The following SEMA3E variants were observed in gnomAD, a reference collection of about 807,000 sequenced individuals.
The protein encoded by SEMA3E is semaphorin-3E.
A neutral mutation model predicts 93.6 loss-of-function variants in SEMA3E; 49 were observed. The observed-to-expected ratio is 0.52, with a 90% CI of 0.42 to 0.66. The LOEUF (loss-of-function observed/expected upper bound fraction) is 0.66, where lower values mean the gene tolerates loss of function less well. SEMA3E is among the 30% of genes least tolerant of loss of function. The pLI is 0.00. For missense variants in SEMA3E, 906 were observed against 964.8 expected (o/e 0.94, Z 0.81); for synonymous variants, 363 against 330.7 (o/e 1.10, Z -1.06).
intron 1 of SEMA3E, among the ~76,000 whole-genome samples, chr7:83,565,995 C>CTTTTTTTTTTT (rs750248438): frequency 1.8e-5 from 2 of 112,738 alleles, no homozygotes; most frequent in African/African-American, 3.6e-5. Flanking sequence ...TGTTTCCACT[C>CTTTTTTTTTTT]TTTTTTTTTT....
Position 83,500,916 on chromosome 7 carries a change from A to G in SEMA3E, c.116-10642T>C, listed in dbSNP as rs117676454. On this transcript the variant is annotated intron_variant, in intron 1 of 16. Coordinates refer to ENST00000643230, the MANE Select transcript of SEMA3E (RefSeq NM_012431.3). Reference sequence around the variant, plus strand: ...TCTTCCTTTCAAAATACTTTCATGTATTCTATGAAATTGTCTGTGGTAACA... The same window carrying G: ...TCTTCCTTTCAAAATACTTTCATGTGTTCTATGAAATTGTCTGTGGTAACA... 2.7e-4 allele frequency among the ~76,000 whole-genome samples: 41 copies of G among 152,186 alleles called. No homozygotes were observed. In the East Asian group the frequency reaches 7.4e-3, roughly 27 times the overall value.
intron 4 of SEMA3E, among the ~76,000 whole-genome samples, chr7:83,463,808 C>A (rs1316999251): frequency 6.6e-6 from 1 of 152,146 alleles, no homozygotes; most frequent in Non-Finnish European, 1.5e-5. Flanking sequence ...TATTCCACTA[C>A]TCCTCAGGGA....
chr7:83,522,486 G>C (rs1791069891), intron 1 of SEMA3E, among the ~76,000 whole-genome samples: 2 of 152,022 alleles, frequency 1.3e-5, no homozygotes, highest in Non-Finnish European at 2.9e-5. Flanking sequence ...TGTAGGATCA[G>C]GCTGAAGCTA....
intron 1 of SEMA3E, among the ~76,000 whole-genome samples, chr7:83,641,762 C>G (rs1484514681): frequency 6.6e-6 from 1 of 152,060 alleles, no homozygotes. Context: ...TAACAATTAG[C>G]TCATGATTGC....
At position 83,648,565 on chromosome 7, in the gene SEMA3E, C is replaced by T; in HGVS notation, c.-23G>A. 1.3e-6 allele frequency: 2 copies of T among 1,568,398 alleles called. No homozygotes were observed. Among genetic ancestry groups the T allele is most frequent in the South Asian group, 1.1e-5 (1 of 89,982 alleles). ...CATGCTGCCGTGTTCACCGTCCAAG[C>T]CCTCGCTCCTCACTTTAAGGAGGGT... is the stretch of plus-strand genomic sequence containing the variant. On this transcript the variant is annotated 5_prime_UTR_variant, in exon 1 of 17. Transcript: ENST00000643230.
At chr7:83,640,246 T>C (rs1020445299) in intron 1 of SEMA3E, among the ~76,000 whole-genome samples, 2 of 152,178 alleles carry the variant, frequency 1.3e-5, no homozygotes, top group African/African-American at 4.8e-5. Context: ...GTTCCACCAC[T>C]CTATCCTGTA....
At chr7:83,500,991 G>T (rs1040092404) in intron 1 of SEMA3E, among the ~76,000 whole-genome samples, 7 of 152,146 alleles carry the variant, frequency 4.6e-5, no homozygotes, top group Admixed American at 4.6e-4. Context: ...AGCATGTTTA[G>T]ATAGGATTCA....
intron 2 of SEMA3E, among the ~76,000 whole-genome samples, chr7:83,489,488 T>G (rs576331869): frequency 5.3e-5 from 8 of 152,144 alleles, no homozygotes; most frequent in African/African-American, 1.9e-4. Context: ...ATACATGCAC[T>G]TATGCCAAAA....
At chr7:83,633,504 A>G (rs1229864150) in intron 1 of SEMA3E, among the ~76,000 whole-genome samples, 1 of 152,212 alleles carries the variant, frequency 6.6e-6, no homozygotes, top group East Asian at 1.9e-4. Context: ...GCAGCCAGGT[A>G]TAAGAGAGTC....
chr7:83,522,512 T>C (rs1791070651), intron 1 of SEMA3E, among the ~76,000 whole-genome samples: 1 of 152,060 alleles, frequency 6.6e-6, no homozygotes, highest in African/African-American at 2.4e-5. Context: ...TAGGGGATTT[T>C]GCCTGAGATT....
intron 1 of SEMA3E, among the ~76,000 whole-genome samples, chr7:83,610,389 A>G (rs188892462): frequency 2.0e-3 from 309 of 152,198 alleles, no homozygotes; most frequent in African/African-American, 7.2e-3. Context: ...TGTTCAGAAA[A>G]AAGAATTATT....
intron 4 of SEMA3E, among the ~76,000 whole-genome samples, chr7:83,433,997 ATTAT>A (rs1360071555): frequency 2.0e-5 from 3 of 152,198 alleles, no homozygotes; most frequent in Admixed American, 6.5e-5. Context: ...CTTTAAAATA[ATTAT>A]TTATGAAGAA....
At chr7:83,478,920 C>T (rs1790078970) in intron 2 of SEMA3E, among the ~76,000 whole-genome samples, 1 of 152,160 alleles carries the variant, frequency 6.6e-6, no homozygotes, top group Admixed American at 6.5e-5. Flanking sequence ...GGCCTCATGG[C>T]TCTATTCTCA....
At chr7:83,609,148 A>G (rs1031383220) in intron 1 of SEMA3E, among the ~76,000 whole-genome samples, 14 of 152,218 alleles carry the variant, frequency 9.2e-5, no homozygotes, top group East Asian at 1.9e-4. Flanking sequence ...ATATTTTATC[A>G]TATAGCATAA....
chr7:83,582,472 CCT>C (rs1792535046), intron 1 of SEMA3E, among the ~76,000 whole-genome samples: 1 of 152,030 alleles, frequency 6.6e-6, no homozygotes, highest in Non-Finnish European at 1.5e-5. Context: ...CCACTCTTTT[CCT>C]CTGTTTGAAT....
intron 1 of SEMA3E, among the ~76,000 whole-genome samples, chr7:83,544,303 T>G (rs3801536): frequency 0.26 from 39,253 of 151,978 alleles, 5,273 homozygotes; most frequent in East Asian, 0.39. Flanking sequence ...AACAAATCCA[T>G]TATATATTAT....
intron 1 of SEMA3E, among the ~76,000 whole-genome samples, chr7:83,640,220 T>C (rs1045303119): frequency 3.3e-5 from 5 of 152,156 alleles, no homozygotes; most frequent in Non-Finnish European, 7.4e-5. Flanking sequence ...CCCTGGGACT[T>C]ATTCTTAGGG....
intron 11 of SEMA3E, among the ~76,000 whole-genome samples, chr7:83,398,468 T>A (rs948925822): frequency 6.6e-6 from 1 of 152,168 alleles, no homozygotes; most frequent in African/African-American, 2.4e-5. Flanking sequence ...ATGAGTGAAT[T>A]TATGGCCAAG....
intron 1 of SEMA3E, among the ~76,000 whole-genome samples, chr7:83,604,530 G>GTA (rs563275414): frequency 0.061 from 9,007 of 146,686 alleles, 738 homozygotes; most frequent in African/African-American, 0.19. Context: ...ACATATATAT[G>GTA]TATATATATA....
Sources: gnomAD v4.1 joint callset for allele counts (sites outside exome capture counted in the v4.1 genomes callset) on GRCh38, gnomAD v4.1.1 for gene constraint, MANE v1.5 for transcripts, NCBI Gene and HGNC (gene_info 2026-07-23, HGNC 2026-07-21) for gene names.